SLC22A3: variants seen among roughly 807,000 people sequenced by gnomAD.
SLC22A3 encodes EMT organic cation transporter 3.
SLC22A3 carries 51 observed loss-of-function variants against 59.1 expected under a neutral mutation model. The ratio of observed to expected loss-of-function variants is 0.86; its 90% CI spans 0.69 to 1.09. The LOEUF (loss-of-function observed/expected upper bound fraction) is 1.09. Among genes scored for constraint, SLC22A3 ranks in the 50% least tolerant of loss-of-function variants. The probability of loss-of-function intolerance (pLI) is 0.00; values close to 1 mark genes in which losing one functional copy is unlikely to be tolerated. For synonymous variants in SLC22A3, 325 were observed against 292.0 expected (o/e 1.11, Z -1.15); for missense variants, 711 against 726.3 (o/e 0.98, Z 0.24).
At chr6:160,376,381 G>A (rs1486677354) in intron 1 of SLC22A3, among the ~76,000 whole-genome samples, 1 of 151,940 alleles carries the variant, frequency 6.6e-6, no homozygotes, top group Non-Finnish European at 1.5e-5. Flanking sequence ...GGGGTGAGGG[G>A]AGGGCGAACA....
intron 1 of SLC22A3, among the ~76,000 whole-genome samples, chr6:160,373,800 T>A (rs189407223): frequency 6.6e-6 from 1 of 152,262 alleles, no homozygotes; most frequent in Non-Finnish European, 1.5e-5. Flanking sequence ...AGGCTTTGTT[T>A]ACACGGTGAG....
At chr6:160,397,762 A>G (rs1381836394) in intron 1 of SLC22A3, among the ~76,000 whole-genome samples, 1 of 152,054 alleles carries the variant, frequency 6.6e-6, no homozygotes, top group Non-Finnish European at 1.5e-5. Context: ...ACGATGTTAT[A>G]ACAACATAGT....
At chr6:160,377,682 A>C (rs1785650881) in intron 1 of SLC22A3, among the ~76,000 whole-genome samples, 1 of 152,186 alleles carries the variant, frequency 6.6e-6, no homozygotes, top group South Asian at 2.1e-4. Flanking sequence ...TGGAAATGTT[A>C]TGAAAATAAT....
intron 5 of SLC22A3, among the ~76,000 whole-genome samples, chr6:160,435,229 A>T (rs1027753287): frequency 1.4e-4 from 21 of 152,228 alleles, no homozygotes; most frequent in African/African-American, 5.1e-4. Context: ...ATCCATCAGC[A>T]GTCTTCCACG....
chr6:160,372,540 C>T (rs1350589089), intron 1 of SLC22A3, among the ~76,000 whole-genome samples: 1 of 152,132 alleles, frequency 6.6e-6, no homozygotes, highest in Non-Finnish European at 1.5e-5. Context: ...GAATGTTGGC[C>T]TGTTGTCCTG....
At chr6:160,440,673 A>G (rs1788508050) in intron 7 of SLC22A3, among the ~76,000 whole-genome samples, 1 of 152,202 alleles carries the variant, frequency 6.6e-6, no homozygotes, top group Non-Finnish European at 1.5e-5. Flanking sequence ...TTGTGTGTAT[A>G]TATTTATTCA....
chr6:160,436,649 G>T lies in SLC22A3; in HGVS notation c.976-131G>T, dbSNP rs1041830078. The T allele has an allele frequency of 1.1e-4, 71 of 665,116 alleles. 1 individual carries two copies. The African/African-American group carries it at 1.1e-3, about 11-fold the overall frequency. 41.2% of individuals were successfully genotyped at this position (665,116 alleles called of 1,614,324 possible). On this transcript the variant is annotated intron_variant, in intron 5 of 10. Coordinates refer to ENST00000275300, the MANE Select transcript of SLC22A3 (RefSeq NM_021977.4). ...AAGAGCAGAAGTGTTTTAATTGTCA[G>T]GTTTTAAGATATTATGAAAGCCCCT...
At chr6:160,406,107 G>A (rs1304017310) in intron 2 of SLC22A3, among the ~76,000 whole-genome samples, 13 of 152,122 alleles carry the variant, frequency 8.5e-5, no homozygotes, top group Admixed American at 5.9e-4. Flanking sequence ...CTGTAGGTTC[G>A]TCAATTGCAG....
intron 9 of SLC22A3, 120 bp from the exon 10 acceptor site, chr6:160,447,599 G>T: frequency 1.2e-6 from 1 of 803,052 alleles, no homozygotes; most frequent in Non-Finnish European, 2.2e-6. Flanking sequence ...GGATGCAGAG[G>T]TTGCTGTGGT....
chr6:160,442,309 G>C (rs1788573203), intron 7 of SLC22A3, among the ~76,000 whole-genome samples: 3 of 152,182 alleles, frequency 2.0e-5, no homozygotes. Flanking sequence ...AACTCCCCAG[G>C]TGTGCTGGGA....
chr6:160,385,541 C>A (rs760943697), intron 1 of SLC22A3, among the ~76,000 whole-genome samples: 1 of 152,176 alleles, frequency 6.6e-6, no homozygotes, highest in Non-Finnish European at 1.5e-5. Context: ...TCTGTACTGT[C>A]TGCCCCGTGG....
chr6:160,450,874 T>C, intron 10 of SLC22A3, 122 bp from the exon 11 acceptor site: 1 of 908,908 alleles, frequency 1.1e-6, no homozygotes. Flanking sequence ...GTTGTTACCT[T>C]AGAGTTGGGT....
intron 10 of SLC22A3, among the ~76,000 whole-genome samples, chr6:160,449,065 GA>G (rs1468967610): frequency 6.6e-6 from 1 of 152,118 alleles, no homozygotes; most frequent in Non-Finnish European, 1.5e-5. Context: ...TACACAATGA[GA>G]GTGATGCTTT....
chr6:160,395,528 G>A (rs975535464), intron 1 of SLC22A3, among the ~76,000 whole-genome samples: 1 of 152,118 alleles, frequency 6.6e-6, no homozygotes, highest in Non-Finnish European at 1.5e-5. Flanking sequence ...GAAATTCTAT[G>A]TACTTTTATT....
chr6:160,402,938 G>A lies in SLC22A3; in HGVS notation c.534-4103G>A, dbSNP rs1001816013. On this transcript the variant is annotated intron_variant, in intron 2 of 10. Coordinates refer to ENST00000275300, the MANE Select transcript of SLC22A3 (RefSeq NM_021977.4). ...AGCATTGAATACATATATTAGAAAA[G>A]AGGAAATATATAAAATCAATAATCT... Among the ~76,000 whole-genome samples the A allele has an allele frequency of 4.0e-5, 6 of 151,576 alleles. No individual in the cohort carries two copies. In the East Asian group the frequency reaches 1.2e-3, roughly 29 times the overall value.
chr6:160,396,750 TA>T (rs1221981096), intron 1 of SLC22A3, among the ~76,000 whole-genome samples: 2 of 152,180 alleles, frequency 1.3e-5, no homozygotes, highest in Non-Finnish European at 2.9e-5. Context: ...TATTACATCT[TA>T]TTTTTTTATC....
rs76026925 is a variant in SLC22A3, at chr6:160,407,086, C to T, written c.579C>T (p.Gly193=). The T allele has an allele frequency of 4.3e-4, 689 of 1,612,422 alleles. 5 individuals are homozygous for T. The East Asian group carries it at 0.013, about 29-fold the overall frequency. The change falls in exon 3 of 11, where the codon GGC becomes GGT. Residue 193 remains glycine (G), a synonymous_variant. Coordinates refer to ENST00000275300, the MANE Select transcript of SLC22A3 (RefSeq NM_021977.4). ...ACTTGCTATCCTGCCTTGGTGTTGG[C>T]GTCACTGGGGTTGTGGTGGCCTTTG... ...VIYLLSCLGV[G]VTGVVVAFAP...
At chr6:160,418,960 C>T (rs1468140147) in intron 5 of SLC22A3, among the ~76,000 whole-genome samples, 1 of 152,100 alleles carries the variant, frequency 6.6e-6, no homozygotes, top group East Asian at 1.9e-4. Context: ...TAAAATTAAA[C>T]ATTAGATGTT....
At chr6:160,442,730 C>T in intron 7 of SLC22A3, 31 bp from the exon 8 acceptor site, 1 of 1,502,216 alleles carries the variant, frequency 6.7e-7, no homozygotes, top group Non-Finnish European at 9.3e-7. Context: ...AGACCCCTAA[C>T]TCCTCCCTTT....
Sources: allele counts gnomAD v4.1 joint callset (sites outside exome capture counted in the v4.1 genomes callset), GRCh38; gene constraint gnomAD v4.1.1; transcripts MANE v1.5; gene names NCBI Gene and HGNC (gene_info 2026-07-23, HGNC 2026-07-21).